The following ARHGEF7 variants were observed in gnomAD, a reference collection of about 807,000 sequenced individuals.
The protein encoded by ARHGEF7 is PAK-interacting exchange factor beta.
In ARHGEF7, 33 loss-of-function variants were observed where a neutral mutation model predicts 109.8. The observed-to-expected ratio is 0.30, with a 90% CI of 0.23 to 0.40. The LOEUF (loss-of-function observed/expected upper bound fraction) is 0.40, where lower values mean the gene tolerates loss of function less well. Among genes scored for constraint, ARHGEF7 ranks in the 10% least tolerant of loss-of-function variants. ARHGEF7 has a pLI of 1.00. For missense variants in ARHGEF7, 938 were observed against 1,098.5 expected, an observed-to-expected ratio of 0.85 and a Z score of 2.07; for synonymous variants, 458 against 424.6, an observed-to-expected ratio of 1.08 and a Z score of -0.97.
chr13:111,186,712 C>A, intron 2 of ARHGEF7: 1 of 627,826 alleles, frequency 1.6e-6, no homozygotes, highest in Non-Finnish European at 2.0e-6. Flanking sequence ...CTAAAAATAA[C>A]AATTTCTTGT....
intron 8 of ARHGEF7, among the ~76,000 whole-genome samples, chr13:111,249,369 G>T (rs1204209291): frequency 6.6e-6 from 1 of 152,034 alleles, no homozygotes. Flanking sequence ...AGTTGAGGAC[G>T]TGCCAGGTAA....
At chr13:111,209,267 G>C (rs2082227857) in intron 3 of ARHGEF7, 1 of 152,146 alleles carries the variant, frequency 6.6e-6, no homozygotes, top group African/African-American at 2.4e-5. Flanking sequence ...TGTGTGGAGT[G>C]TCTTATGAAG....
intron 20 of ARHGEF7, among the ~76,000 whole-genome samples, chr13:111,301,082 G>T (rs1349597983): frequency 6.6e-6 from 1 of 152,086 alleles, no homozygotes; most frequent in Non-Finnish European, 1.5e-5. Context: ...CCGAGTAGCT[G>T]GGATTACAGG....
intron 5 of ARHGEF7, among the ~76,000 whole-genome samples, chr13:111,227,628 G>T (rs918093277): frequency 6.6e-6 from 1 of 152,140 alleles, no homozygotes; most frequent in Non-Finnish European, 1.5e-5. Context: ...TCACTGTATT[G>T]CCATGGTCTG....
rs2087424826 is a variant in ARHGEF7 at position 111,239,652 on chromosome 13, A to T, written c.760-4220A>T. ...GGCCCGTAGGTGGAGATGGTTAATG[A>T]TGAGGGGCCCTGAGGTATCAGGGAG... is the stretch of plus-strand genomic sequence containing the variant. On this transcript the variant is annotated intron_variant, in intron 6 of 21. Coordinates refer to ENST00000646102, the MANE Select transcript of ARHGEF7 (RefSeq NM_001354046.2). This position sits in a 1 kb window ranked among gnomAD's most constrained non-coding sequence, Gnocchi z 4.3. 6.6e-6 allele frequency among the ~76,000 whole-genome samples: 1 copy of T among 152,004 alleles called. No homozygotes were observed. The highest frequency in any genetic ancestry group is 1.5e-5 in the Non-Finnish European group (1 of 67,996).
At chr13:111,117,819 C>T (rs2153307821) in intron 1 of ARHGEF7, among the ~76,000 whole-genome samples, 1 of 152,336 alleles carries the variant, frequency 6.6e-6, no homozygotes, top group Middle Eastern at 3.4e-3. Context: ...ATCTAGGCCT[C>T]CCAAAGTGCT....
At chr13:111,169,171 G>A (rs1382516421) in intron 2 of ARHGEF7, among the ~76,000 whole-genome samples, 10 of 152,184 alleles carry the variant, frequency 6.6e-5, no homozygotes, top group African/African-American at 2.4e-4. Flanking sequence ...AAAGTCACTT[G>A]GCATTGTTGG....
intron 1 of ARHGEF7, chr13:111,144,741 G>A (rs1253583745): frequency 6.6e-6 from 1 of 151,914 alleles, no homozygotes; most frequent in African/African-American, 2.4e-5. Flanking sequence ...CCAGCACGCT[G>A]GCAGCCCATC....
chr13:111,259,544 G>T (rs930147910), intron 8 of ARHGEF7, among the ~76,000 whole-genome samples: 10 of 152,224 alleles, frequency 6.6e-5, no homozygotes, highest in African/African-American at 1.2e-4. Context: ...GCATTACTGC[G>T]TGTGGGGTGC....
intron 11 of ARHGEF7, 83 bp from the exon 12 acceptor site, chr13:111,275,449 T>C: frequency 6.9e-7 from 1 of 1,450,232 alleles, no homozygotes; most frequent in Non-Finnish European, 9.6e-7. Context: ...ATAATTGTCT[T>C]AAGGATGATA....
intron 1 of ARHGEF7, among the ~76,000 whole-genome samples, chr13:111,150,212 G>A (rs1371869926): frequency 1.3e-5 from 2 of 152,240 alleles, no homozygotes; most frequent in African/African-American, 2.4e-5. Flanking sequence ...AAATGCAGTG[G>A]AAGTGAGGTG....
Position 111,304,611 on chromosome 13 carries a change from G to T in ARHGEF7, c.*1498G>T, listed in dbSNP as rs535247248. On this transcript the variant is annotated 3_prime_UTR_variant, in exon 22 of 22. Transcript: ENST00000646102. ...TTTGTGTACTGATGCCTTTGAGCTG[G>T]GCACCTTGGGAGAGTGTTGTGTTGC... 6 of 152,344 alleles carry T rather than the reference G, an allele frequency of 3.9e-5. No individual in the cohort carries two copies. The East Asian group carries it at 1.2e-3, about 29-fold the overall frequency. 9.4% of individuals were successfully genotyped at this position (152,344 alleles called of 1,614,324 possible). A position where few individuals can be genotyped will look rare whatever the true frequency, so the allele number is the denominator to read the frequency against.
At chr13:111,178,379 T>C (rs1014930386) in intron 2 of ARHGEF7, among the ~76,000 whole-genome samples, 2 of 152,224 alleles carry the variant, frequency 1.3e-5, no homozygotes, top group Admixed American at 6.5e-5. Context: ...ATCCAAAATA[T>C]GTGTTTTTGG....
intron 5 of ARHGEF7, among the ~76,000 whole-genome samples, chr13:111,224,286 TC>T (rs1013118756): frequency 8.6e-5 from 12 of 140,096 alleles, no homozygotes; most frequent in Admixed American, 8.0e-4. Context: ...CAAGGTCCAT[TC>T]TGGAAGTGAG....
At chr13:111,296,885 T>A (rs950258792) in intron 19 of ARHGEF7, among the ~76,000 whole-genome samples, 1 of 152,324 alleles carries the variant, frequency 6.6e-6, no homozygotes, top group South Asian at 2.1e-4. Flanking sequence ...CAAAACAGTT[T>A]GGGAAACACA....
At chr13:111,154,670 C>CT in intron 2 of ARHGEF7, among the ~76,000 whole-genome samples, 1 of 152,314 alleles carries the variant, frequency 6.6e-6, no homozygotes, top group East Asian at 1.9e-4. Flanking sequence ...TAAACATTGT[C>CT]TTTTCAGTCT....
chr13:111,216,769 T>A (rs1242967508), intron 4 of ARHGEF7, among the ~76,000 whole-genome samples: 1 of 152,188 alleles, frequency 6.6e-6, no homozygotes, highest in Non-Finnish European at 1.5e-5. Flanking sequence ...CTTTTCTTGC[T>A]CCTGTGCCGG....
At chr13:111,294,110 T>G (rs1021396526) in intron 19 of ARHGEF7, 11 of 985,322 alleles carry the variant, frequency 1.1e-5, no homozygotes, top group Non-Finnish European at 3.6e-6. Flanking sequence ...CAGAGCCCAG[T>G]GTTAATCTCC....
intron 2 of ARHGEF7, among the ~76,000 whole-genome samples, chr13:111,154,274 G>C (rs1364473932): frequency 6.6e-6 from 1 of 152,238 alleles, no homozygotes; most frequent in Admixed American, 6.5e-5. Flanking sequence ...GTCGCTGGTG[G>C]TGCAGGTGAC....
Sources: allele counts gnomAD v4.1 joint callset (sites outside exome capture counted in the v4.1 genomes callset), GRCh38; gene constraint gnomAD v4.1.1; non-coding constraint Gnocchi (gnomAD v3.1); transcripts MANE v1.5; gene names NCBI Gene and HGNC (gene_info 2026-07-23, HGNC 2026-07-21).